The following GLIS3 variants were observed in gnomAD, a reference collection of about 807,000 sequenced individuals.
GLIS3 encodes the protein GLIS family zinc finger 3, also known as zinc finger protein GLIS3.
In GLIS3, 53 loss-of-function variants were observed where a neutral mutation model predicts 78.6. The observed-to-expected ratio is 0.67, with a 90% confidence interval of 0.54 to 0.85. The LOEUF is 0.85. Ranked by LOEUF, GLIS3 falls within the 40% of genes least tolerant of loss-of-function variation. The pLI, the probability that GLIS3 is intolerant of heterozygous loss-of-function variation, is 0.00. For synonymous variants in GLIS3, 684 were observed against 509.9 expected, an observed-to-expected ratio of 1.34 and a Z score of -4.60; for missense variants, 1,703 against 1,231.1, an observed-to-expected ratio of 1.38 and a Z score of -5.74.
At chr9:4,117,189 G>A (rs76786628) in intron 4 of GLIS3, among the ~76,000 whole-genome samples, 1,630 of 152,238 alleles carry the variant, frequency 0.011, 34 homozygotes, top group Admixed American at 0.057. Context: ...CTGCTCCTGT[G>A]TATCCCCTGG....
At chr9:4,367,898 C>T in the GLIS3 span, among the ~76,000 whole-genome samples, 1,071 of 152,292 alleles carry the variant, frequency 7.0e-3, 16 homozygotes, top group African/African-American at 0.024. Context: ...ATGTTATTAT[C>T]TTCAATTTTA....
At chr9:4,198,040 TG>T (rs1819029076) in intron 2 of GLIS3, among the ~76,000 whole-genome samples, 1 of 152,266 alleles carries the variant, frequency 6.6e-6, no homozygotes, top group South Asian at 2.1e-4. Context: ...AAATTAGAAG[TG>T]CCAGCACTTC....
At chr9:4,369,586 T>C in the GLIS3 span, among the ~76,000 whole-genome samples, 101 of 152,300 alleles carry the variant, frequency 6.6e-4, no homozygotes, top group African/African-American at 2.3e-3. Flanking sequence ...CTGGCTCTGA[T>C]ACACCCTCCC....
intron 2 of GLIS3, among the ~76,000 whole-genome samples, chr9:4,346,546 A>G (rs913707419): frequency 1.6e-4 from 24 of 152,346 alleles, no homozygotes; most frequent in Non-Finnish European, 2.4e-4. Context: ...CAGAGCCACA[A>G]AATGTCAATC....
At chr9:4,459,390 C>A in the GLIS3 span, among the ~76,000 whole-genome samples, 1 of 152,174 alleles carries the variant, frequency 6.6e-6, no homozygotes, top group Non-Finnish European at 1.5e-5. Context: ...TGGGAACAAA[C>A]CTGTAAAAGA....
the GLIS3 span, among the ~76,000 whole-genome samples, chr9:4,435,557 G>A: frequency 1.4e-3 from 220 of 152,244 alleles, 1 homozygote; most frequent in African/African-American, 5.1e-3. Context: ...GTACCATCCT[G>A]GATCTGCCTA....
chr9:3,950,280 T>C lies in GLIS3; in HGVS notation c.1711-13091A>G, dbSNP rs562541549. ...CATCCACTCTTGTCCTCACCCACCATCTAGTGTCACACTGCAGCTGGAGTC... is the reference window on the plus strand; with the variant it reads ...CATCCACTCTTGTCCTCACCCACCACCTAGTGTCACACTGCAGCTGGAGTC... On this transcript the variant is annotated intron_variant, in intron 4 of 10. Coordinates refer to ENST00000381971, the MANE Select transcript of GLIS3 (RefSeq NM_001042413.2). Among the ~76,000 whole-genome samples, 4 of 152,328 alleles carry C rather than the reference T, an allele frequency of 2.6e-5. No individual in the cohort carries two copies. In the East Asian group the frequency reaches 5.8e-4, roughly 22 times the overall value.
chr9:3,984,860 G>A (rs1055830575), intron 4 of GLIS3, among the ~76,000 whole-genome samples: 2 of 152,140 alleles, frequency 1.3e-5, no homozygotes, highest in Non-Finnish European at 2.9e-5. Context: ...AATAGTGAAT[G>A]AGTCTCGCGA....
chr9:3,964,646 T>C (rs1398038956), intron 4 of GLIS3, among the ~76,000 whole-genome samples: 1 of 152,226 alleles, frequency 6.6e-6, no homozygotes, highest in Admixed American at 6.5e-5. Context: ...GTCTAGAACA[T>C]ACCTTGCCTG....
At chr9:4,225,766 C>T (rs973325835) in intron 2 of GLIS3, among the ~76,000 whole-genome samples, 2 of 152,170 alleles carry the variant, frequency 1.3e-5, no homozygotes, top group African/African-American at 4.8e-5. Flanking sequence ...ACAACTTGAA[C>T]TCTTGAGACC....
At chr9:4,332,795 T>C (rs1471861378) in intron 2 of GLIS3, among the ~76,000 whole-genome samples, 1 of 152,218 alleles carries the variant, frequency 6.6e-6, no homozygotes, top group Non-Finnish European at 1.5e-5. Context: ...CCTCTACACA[T>C]CTATTCAGTA....
At chr9:3,854,581 G>T (rs574312757) in intron 9 of GLIS3, among the ~76,000 whole-genome samples, 4 of 149,586 alleles carry the variant, frequency 2.7e-5, no homozygotes, top group African/African-American at 9.8e-5. Flanking sequence ...CTGTCACCCT[G>T]GCTGGAGTAC....
At chr9:4,254,717 G>A (rs931479159) in intron 2 of GLIS3, among the ~76,000 whole-genome samples, 1 of 151,990 alleles carries the variant, frequency 6.6e-6, no homozygotes, top group Non-Finnish European at 1.5e-5. Context: ...GCAAACGCCT[G>A]TAATCCCAGC....
At chr9:4,239,180 G>C (rs1158425459) in intron 2 of GLIS3, among the ~76,000 whole-genome samples, 17 of 96,032 alleles carry the variant, frequency 1.8e-4, no homozygotes, top group East Asian at 3.9e-4. Flanking sequence ...GGTGGGGGGA[G>C]GGGGGAGGGA....
chr9:4,424,909 G>T, the GLIS3 span, among the ~76,000 whole-genome samples: 8 of 151,820 alleles, frequency 5.3e-5, no homozygotes, highest in Non-Finnish European at 8.8e-5. Context: ...AATACACTGG[G>T]CATTATATTT....
rs147760097 is a variant in GLIS3, at chr9:3,989,255, C to G, written c.1711-52066G>C. ...TTAAAAAGAGTGACAATACCAAATA[C>G]TGGCAAAGATGTGAAGAAACTGGAT... On this transcript the variant is annotated intron_variant, in intron 4 of 10. Coordinates refer to ENST00000381971, the MANE Select transcript of GLIS3 (RefSeq NM_001042413.2). Among the ~76,000 whole-genome samples the G allele has an allele frequency of 2.7e-3, 416 of 152,194 alleles. 1 individual carries two copies. Among genetic ancestry groups the G allele is most frequent in the African/African-American group, 9.9e-3 (410 of 41,544 alleles).
chr9:3,864,829 C>T (rs1490013314), intron 8 of GLIS3, among the ~76,000 whole-genome samples: 1 of 152,064 alleles, frequency 6.6e-6, no homozygotes, highest in African/African-American at 2.4e-5. Flanking sequence ...GGGCAAAAAC[C>T]CTCAGATACT....
chr9:4,055,769 A>C (rs1018206742), intron 4 of GLIS3, among the ~76,000 whole-genome samples: 5 of 151,828 alleles, frequency 3.3e-5, no homozygotes, highest in Admixed American at 1.3e-4. Context: ...GCTCAAGTTC[A>C]ACAACAGCCA....
chr9:3,900,430 T>C (rs960604869), intron 6 of GLIS3, among the ~76,000 whole-genome samples: 4 of 152,112 alleles, frequency 2.6e-5, no homozygotes, highest in African/African-American at 9.7e-5. Context: ...TTGAAATAAT[T>C]TGATTCTAGA....
Sources: allele counts gnomAD v4.1 joint callset (sites outside exome capture counted in the v4.1 genomes callset), GRCh38; gene constraint gnomAD v4.1.1; transcripts MANE v1.5; gene names NCBI Gene and HGNC (gene_info 2026-07-23, HGNC 2026-07-21).